The following CYSLTR2 variants were observed in gnomAD, a reference collection of about 807,000 sequenced individuals.
The protein encoded by CYSLTR2 is G-protein coupled receptor GPCR21.
For missense variants in CYSLTR2, 398 were observed against 411.9 expected (o/e 0.97, Z 0.29); for synonymous variants, 179 against 160.8 (o/e 1.11, Z -0.86).
intron 1 of CYSLTR2, among the ~76,000 whole-genome samples, chr13:48,670,081 GA>G (rs1566085030): frequency 6.6e-6 from 1 of 152,190 alleles, no homozygotes; most frequent in African/African-American, 2.4e-5. Flanking sequence ...ATCTTCTTTT[GA>G]GAAGTGTCTG....
At chr13:48,665,760 A>G (rs1593940108) in intron 1 of CYSLTR2, among the ~76,000 whole-genome samples, 1 of 152,064 alleles carries the variant, frequency 6.6e-6, no homozygotes, top group African/African-American at 2.4e-5. Context: ...TTTAAAATCT[A>G]TTAGGCCAGT....
rs373667487 is a variant in CYSLTR2, at chr13:48,670,483, GTT to G, written c.-266+16469_-266+16470del. 5.8e-4 allele frequency among the ~76,000 whole-genome samples: 88 copies of G among 152,262 alleles called. 2 individuals are homozygous for G. In the South Asian group the frequency reaches 0.017, roughly 30 times the overall value. Reference sequence around the variant, plus strand: ...GGTGTAAGGGAGGGGCTCAGTTTCAGTTTTCTGCATATGGCTAACCAGTTTTC... The same window carrying G: ...GGTGTAAGGGAGGGGCTCAGTTTCAGTTCTGCATATGGCTAACCAGTTTTC... On this transcript the variant is annotated intron_variant, in intron 1 of 4. Transcript: ENST00000682523.
At chr13:48,692,122 T>C (rs1413890491) in intron 2 of CYSLTR2, among the ~76,000 whole-genome samples, 1 of 152,000 alleles carries the variant, frequency 6.6e-6, no homozygotes, top group Admixed American at 6.6e-5. Flanking sequence ...AGAATAGTTG[T>C]TCCAGGAGAC....
At chr13:48,654,821 A>G (rs995374625) in intron 1 of CYSLTR2, among the ~76,000 whole-genome samples, 4 of 152,188 alleles carry the variant, frequency 2.6e-5, no homozygotes, top group Non-Finnish European at 5.9e-5. Flanking sequence ...AGTCATCTGC[A>G]GTATTTTATC....
At chr13:48,656,163 TA>T (rs1348189278) in intron 1 of CYSLTR2, among the ~76,000 whole-genome samples, 3 of 152,214 alleles carry the variant, frequency 2.0e-5, no homozygotes, top group Non-Finnish European at 2.9e-5. Context: ...TATTACATTG[TA>T]ATTTTTTTTT....
At chr13:48,691,959 A>G (rs766143374) in intron 2 of CYSLTR2, among the ~76,000 whole-genome samples, 2 of 152,066 alleles carry the variant, frequency 1.3e-5, no homozygotes, top group Non-Finnish European at 2.9e-5. Flanking sequence ...TGGAAAATCT[A>G]ATTATTCCCA....
chr13:48,654,758 A>G lies in CYSLTR2; in HGVS notation c.-266+741A>G, dbSNP rs188668743. Among the ~76,000 whole-genome samples the G allele has an allele frequency of 2.6e-4, 40 of 152,330 alleles. 2 individuals carry two copies. Among genetic ancestry groups the G allele is most frequent in the Admixed American group, 1.5e-3 (23 of 15,306 alleles). On this transcript the variant is annotated intron_variant, in intron 1 of 4. Transcript: ENST00000682523. Reference sequence around the variant, plus strand: ...TGGCCAGAATCACCCGACTCTGAGGAGATTAGAAAATTACCCCTAGAATAA... The same window carrying G: ...TGGCCAGAATCACCCGACTCTGAGGGGATTAGAAAATTACCCCTAGAATAA...
rs779891879 is a variant in CYSLTR2 at position 48,707,814 on chromosome 13, G to T, written c.997G>T (p.Val333Phe). 1 of 1,546,138 alleles carries T rather than the reference G, an allele frequency of 6.5e-7. No individual in the cohort carries two copies. Among genetic ancestry groups the T allele is most frequent in the Non-Finnish European group, 8.7e-7 (1 of 1,147,694 alleles). The change falls in exon 5 of 5, where the codon GTT (valine) becomes TTT (phenylalanine). Residue 333 changes from valine to phenylalanine, a missense_variant. Transcript: ENST00000682523. ...TCCACAGAAGGCAAAGACAAAGTGT[G>T]TTTTCCCTGTTAGTGTGTGGTTGAG... The part of the protein sequence containing the change: ...GHPQKAKTKC[V>F]FPVSVWLRKE...
In CYSLTR2 at chr13:48,710,796, A is replaced by G. The variant is rs1478448600; in HGVS notation, c.*2938A>G. 4 of 152,218 alleles carry G rather than the reference A, an allele frequency of 2.6e-5. No individual in the cohort carries two copies. Among genetic ancestry groups the G allele is most frequent in the African/African-American group, 7.2e-5 (3 of 41,462 alleles). 9.4% of individuals were successfully genotyped at this position (152,218 alleles called of 1,614,324 possible). ...CAGAAATGTGTTCCAATTGACAGCAATCGGGTTTGGTACTATTTGGGTTTG... is the reference window on the plus strand; with the variant it reads ...CAGAAATGTGTTCCAATTGACAGCAGTCGGGTTTGGTACTATTTGGGTTTG... On this transcript the variant is annotated 3_prime_UTR_variant, in exon 5 of 5. Coordinates refer to ENST00000682523, the MANE Select transcript of CYSLTR2 (RefSeq NM_001308476.3).
intron 1 of CYSLTR2, among the ~76,000 whole-genome samples, chr13:48,659,236 G>A (rs375042526): frequency 2.0e-5 from 3 of 152,180 alleles, no homozygotes; most frequent in Non-Finnish European, 4.4e-5. Context: ...GGCAGCAGGT[G>A]GGGTGGCAAC....
intron 4 of CYSLTR2, among the ~76,000 whole-genome samples, chr13:48,699,704 C>A: frequency 6.7e-6 from 1 of 148,306 alleles, no homozygotes; most frequent in African/African-American, 2.6e-5. Flanking sequence ...CACAAAAACC[C>A]TTAAAAAAAA....
chr13:48,659,145 A>G (rs939813965), intron 1 of CYSLTR2, among the ~76,000 whole-genome samples: 2 of 152,014 alleles, frequency 1.3e-5, no homozygotes, highest in African/African-American at 4.8e-5. Context: ...GACAAGCAGG[A>G]GAGGAGGAGA....
intron 1 of CYSLTR2, among the ~76,000 whole-genome samples, chr13:48,685,059 A>C (rs1304297826): frequency 6.6e-6 from 1 of 152,190 alleles, no homozygotes. Context: ...CTATAAAGAA[A>C]TACCTGAGAC....
chr13:48,671,758 G>T (rs1206954336), intron 1 of CYSLTR2, among the ~76,000 whole-genome samples: 1 of 152,126 alleles, frequency 6.6e-6, no homozygotes, highest in Non-Finnish European at 1.5e-5. Context: ...TTGTGTCTCT[G>T]CCAGGTTTTA....
chr13:48,676,239 T>C (rs1953592781), intron 1 of CYSLTR2, among the ~76,000 whole-genome samples: 1 of 152,244 alleles, frequency 6.6e-6, no homozygotes, highest in Admixed American at 6.5e-5. Context: ...GTTCCCTGAT[T>C]GTACAGCTCC....
rs113245046 is a variant in CYSLTR2 at position 48,674,267 on chromosome 13, T to G, written c.-265-16945T>G. On this transcript the variant is annotated intron_variant, in intron 1 of 4. Transcript: ENST00000682523. ...GTCACTTTCAGGTACACCAATCAGATGTAGGTTTGGTCTTTTCATATAGTC... is the reference window on the plus strand; with the variant it reads ...GTCACTTTCAGGTACACCAATCAGAGGTAGGTTTGGTCTTTTCATATAGTC... Among the ~76,000 whole-genome samples, 746 of 152,314 alleles carry G rather than the reference T, an allele frequency of 4.9e-3. 7 individuals carry two copies. Among genetic ancestry groups the G allele is most frequent in the African/African-American group, 0.017 (706 of 41,574 alleles).
rs769655427 is a variant in CYSLTR2 at position 48,695,405 on chromosome 13, C to CTCTCTT, written c.-102-1120_-102-1119insCTCTTT. ...TCTTTCTTTCTTTCTCTCTCTCTCTCTTTCTCTCTCTCTCTCTCATAGAGA... is the reference window on the plus strand; with the variant it reads ...TCTTTCTTTCTTTCTCTCTCTCTCTCTCTCTTTTTCTCTCTCTCTCTCTCATAGAGA... On this transcript the variant is annotated intron_variant, in intron 3 of 4. Transcript: ENST00000682523. Among the ~76,000 whole-genome samples, 4 of 146,316 alleles carry CTCTCTT rather than the reference C, an allele frequency of 2.7e-5. No individual in the cohort carries two copies. In the Admixed American group the frequency reaches 2.8e-4, roughly 10 times the overall value.
chr13:48,696,783 C>T (rs541729092), intron 4 of CYSLTR2, among the ~76,000 whole-genome samples, 157 bp downstream of exon 4: 11 of 152,328 alleles, frequency 7.2e-5, no homozygotes, highest in African/African-American at 2.6e-4. Flanking sequence ...TTGGGACACT[C>T]CCACCCTAAT....
intron 4 of CYSLTR2, among the ~76,000 whole-genome samples, chr13:48,704,719 GTGT>G (rs1159241557): frequency 6.6e-6 from 1 of 152,078 alleles, no homozygotes; most frequent in Non-Finnish European, 1.5e-5. Flanking sequence ...ATTCAGAAGT[GTGT>G]TGTTTAGTTT....
Sources: gnomAD v4.1 joint callset for allele counts (sites outside exome capture counted in the v4.1 genomes callset) on GRCh38, gnomAD v4.1.1 for gene constraint, MANE v1.5 for transcripts, NCBI Gene and HGNC (gene_info 2026-07-23, HGNC 2026-07-21) for gene names.